Variants in CTNNA2 observed in about 807,000 individuals in gnomAD.
The protein encoded by CTNNA2 is catenin alpha 2.
Under a neutral mutation model 101.0 loss-of-function variants are expected in CTNNA2, and 42 were observed. The ratio of observed to expected loss-of-function variants is 0.42; its 90% CI spans 0.32 to 0.54. The LOEUF is 0.54. Ranked by LOEUF, CTNNA2 falls within the 20% of genes least tolerant of loss-of-function variation. CTNNA2 has a pLI of 0.14. For missense variants in CTNNA2, 871 were observed against 1,223.1 expected, an observed-to-expected ratio of 0.71 and a Z score of 4.29; for synonymous variants, 450 against 456.4, an observed-to-expected ratio of 0.99 and a Z score of 0.18.
chr2:79,463,459 T>G (rs1670900981), intron 4 of CTNNA2, among the ~76,000 whole-genome samples: 1 of 151,888 alleles, frequency 6.6e-6, no homozygotes, highest in East Asian at 1.9e-4. Context: ...GTTTAGGCAT[T>G]AGGACACTTT....
chr2:79,563,181 A>G (rs1558732888), intron 1 of CTNNA2, among the ~76,000 whole-genome samples: 1 of 96,850 alleles, frequency 1.0e-5, no homozygotes, highest in Non-Finnish European at 2.4e-5. Flanking sequence ...ATATATATAT[A>G]TATATATTTT....
intron 9 of CTNNA2, among the ~76,000 whole-genome samples, chr2:80,491,146 G>T (rs1359068516): frequency 6.6e-6 from 1 of 152,156 alleles, no homozygotes; most frequent in Non-Finnish European, 1.5e-5. Flanking sequence ...ATAACCCTGA[G>T]GTCTGGGCAT....
At chr2:80,164,721 G>A (rs984101387) in intron 7 of CTNNA2, among the ~76,000 whole-genome samples, 9 of 146,894 alleles carry the variant, frequency 6.1e-5, no homozygotes, top group African/African-American at 2.0e-4. Context: ...GCCGTCTTTA[G>A]CCCTTCTTTT....
At chr2:80,204,236 A>T (rs1013114413) in intron 7 of CTNNA2, among the ~76,000 whole-genome samples, 7 of 152,134 alleles carry the variant, frequency 4.6e-5, no homozygotes, top group Middle Eastern at 3.2e-3. Flanking sequence ...TTACTTATAC[A>T]CATTTCTGAA....
intron 12 of CTNNA2, 114 bp downstream of exon 12, chr2:80,556,007 A>G: frequency 1.5e-6 from 1 of 658,570 alleles, no homozygotes. Flanking sequence ...ATTGCACATA[A>G]TTGTGGAATG....
intron 12 of CTNNA2, among the ~76,000 whole-genome samples, chr2:80,573,770 T>C (rs1401801503): frequency 6.6e-6 from 1 of 152,178 alleles, no homozygotes; most frequent in East Asian, 1.9e-4. Flanking sequence ...TATTACATTT[T>C]ATAGACAAAG....
At chr2:80,190,384 A>T (rs1371162664) in intron 7 of CTNNA2, among the ~76,000 whole-genome samples, 1 of 152,066 alleles carries the variant, frequency 6.6e-6, no homozygotes, top group East Asian at 1.9e-4. Flanking sequence ...CCACCTGCAA[A>T]CAGCATGCGG....
chr2:80,309,450 T>C (rs1677329191), intron 7 of CTNNA2, among the ~76,000 whole-genome samples: 1 of 152,184 alleles, frequency 6.6e-6, no homozygotes, highest in South Asian at 2.1e-4. Context: ...CAATAATTTC[T>C]AATGATAGTA....
At chr2:79,347,278 A>G (rs996317048) in intron 3 of CTNNA2, among the ~76,000 whole-genome samples, 2 of 152,168 alleles carry the variant, frequency 1.3e-5, no homozygotes, top group Non-Finnish European at 2.9e-5. Flanking sequence ...GCTATTAGTT[A>G]AGAGCTTAAA....
chr2:80,136,743 G>T (rs764013036), intron 7 of CTNNA2, among the ~76,000 whole-genome samples: 1 of 152,080 alleles, frequency 6.6e-6, no homozygotes, highest in East Asian at 1.9e-4. Context: ...TTTTCGCTGA[G>T]TCTGTTGATT....
intron 9 of CTNNA2, among the ~76,000 whole-genome samples, chr2:80,461,323 G>A (rs1684404808): frequency 6.6e-6 from 1 of 151,962 alleles, no homozygotes; most frequent in Non-Finnish European, 1.5e-5. Context: ...CTGTTATGTT[G>A]GAGTTCCCAT....
chr2:79,334,920 G>A (rs1463185373), intron 3 of CTNNA2, among the ~76,000 whole-genome samples: 1 of 152,084 alleles, frequency 6.6e-6, no homozygotes, highest in African/African-American at 2.4e-5. Context: ...TCTAGACTTT[G>A]CCTGTTGGTT....
chr2:79,459,515 A>G (rs1048026287), intron 4 of CTNNA2, among the ~76,000 whole-genome samples: 1 of 152,164 alleles, frequency 6.6e-6, no homozygotes, highest in Non-Finnish European at 1.5e-5. Context: ...TAAAGAATAT[A>G]TAATTTTAAA....
chr2:80,515,191 G>A (rs1030540515), intron 9 of CTNNA2, among the ~76,000 whole-genome samples: 40 of 150,716 alleles, frequency 2.7e-4, no homozygotes, highest in Middle Eastern at 3.4e-3. Context: ...CTCATTTTCA[G>A]GACCATTCTC....
At chr2:79,190,508 C>A (rs1251444200) in intron 1 of CTNNA2, among the ~76,000 whole-genome samples, 1 of 152,064 alleles carries the variant, frequency 6.6e-6, no homozygotes, top group South Asian at 2.1e-4. Flanking sequence ...AGGTGGCCAA[C>A]AAATGTTTTC....
chr2:80,363,968 GA>G (rs2149321545), intron 7 of CTNNA2, among the ~76,000 whole-genome samples: 1 of 152,220 alleles, frequency 6.6e-6, no homozygotes, highest in East Asian at 1.9e-4. Flanking sequence ...CATGCAACGG[GA>G]GTGGTAATAG....
In CTNNA2 at chr2:79,836,510, C is replaced by T. The variant is rs959864686; in HGVS notation, c.299-21503C>T. ...TTCTAGGGCTTCCATAACAAAGTAT[C>T]ACAAACCACATGGCTTAAAACAACA... On this transcript the variant is annotated intron_variant, in intron 3 of 18. Transcript: ENST00000402739. 4.6e-5 allele frequency among the ~76,000 whole-genome samples: 7 copies of T among 152,288 alleles called. No individual in the cohort carries two copies. The South Asian group carries it at 8.3e-4, about 18-fold the overall frequency.
chr2:80,232,351 T>TG (rs1709292431), intron 7 of CTNNA2, among the ~76,000 whole-genome samples: 1 of 13,736 alleles, frequency 7.3e-5, no homozygotes, highest in African/African-American at 4.1e-4. Context: ...GTTTGTTTTT[T>TG]TTTTTTTTTT....
At chr2:80,121,516 A>G (rs1435845217) in intron 7 of CTNNA2, among the ~76,000 whole-genome samples, 2 of 152,192 alleles carry the variant, frequency 1.3e-5, no homozygotes, top group Non-Finnish European at 2.9e-5. Flanking sequence ...AGTTTTCCAT[A>G]GTAAGTGCCT....
Sources: allele counts gnomAD v4.1 joint callset (sites outside exome capture counted in the v4.1 genomes callset), GRCh38; gene constraint gnomAD v4.1.1; transcripts MANE v1.5; gene names NCBI Gene and HGNC (gene_info 2026-07-23, HGNC 2026-07-21).